The following MTO1 variants were observed in gnomAD, a reference collection of about 807,000 sequenced individuals.
MTO1 encodes the protein mitochondrial tRNA translation optimization 1.
MTO1 carries 46 observed loss-of-function variants against 71.6 expected under a neutral mutation model. The ratio of observed to expected loss-of-function variants is 0.64; its 90% CI spans 0.51 to 0.82. MTO1 has a LOEUF of 0.82. Ranked by LOEUF, MTO1 falls within the 40% of genes least tolerant of loss-of-function variation. The probability of loss-of-function intolerance (pLI) is 0.00; values close to 1 mark genes in which losing one functional copy is unlikely to be tolerated. For missense variants in MTO1, 773 were observed against 867.5 expected (o/e 0.89, Z 1.37); for synonymous variants, 297 against 312.1 (o/e 0.95, Z 0.51).
chr6:73,485,535 T>C (rs997033758), intron 9 of MTO1, among the ~76,000 whole-genome samples: 2 of 151,698 alleles, frequency 1.3e-5, no homozygotes, highest in South Asian at 2.1e-4. Flanking sequence ...GCCTCCTGGG[T>C]TCAAGTGATT....
In MTO1 at chr6:73,482,885, G is replaced by A. The variant is rs1449365228; in HGVS notation, c.1637+265G>A. Among the ~76,000 whole-genome samples, 22 of 133,040 alleles carry A rather than the reference G, an allele frequency of 1.7e-4. 1 individual carries two copies. Among genetic ancestry groups the A allele is most frequent in the Non-Finnish European group, 1.7e-4 (11 of 65,168 alleles). The allele number at this position is 133,040 out of a possible 152,430, so 87.3% of individuals were successfully genotyped here. ...CGGCTCACTGCAAGCTCCGCCTCCC[G>A]GGTTCGCGCCATTCTCCTGCCTCAG... On this transcript the variant is annotated intron_variant, in intron 9 of 11. Transcript: ENST00000498286.
rs764088793 is a variant in MTO1 at position 73,461,911 on chromosome 6, A to G, written c.57A>G (p.Gln19=). 2 of 1,614,174 alleles carry G rather than the reference A, an allele frequency of 1.2e-6. No homozygotes were observed. Among genetic ancestry groups the G allele is most frequent in the East Asian group, 2.2e-5 (1 of 44,874 alleles). The part of the protein sequence containing the change: ...RWVAVSFTKQ[Q]FPLARLSSDS... ...TCGCGGTTTCCTTCACCAAGCAGCA[A>G]TTTCCGTTGGCACGGTTGAGCAGTG... Residue 19 remains glutamine, a synonymous_variant, in exon 1 of 12, where the codon CAA becomes CAG. Coordinates refer to ENST00000498286, the MANE Select transcript of MTO1 (RefSeq NM_012123.4).
chr6:73,479,380 A>C (rs1266890432), intron 4 of MTO1, among the ~76,000 whole-genome samples: 1 of 152,060 alleles, frequency 6.6e-6, no homozygotes, highest in Non-Finnish European at 1.5e-5. Flanking sequence ...CTGTGATCCC[A>C]GCTACTTGGG....
chr6:73,495,413 A>G (rs1771954961), intron 10 of MTO1, among the ~76,000 whole-genome samples: 1 of 152,150 alleles, frequency 6.6e-6, no homozygotes, highest in Admixed American at 6.6e-5. Flanking sequence ...TTTGTTCAAT[A>G]AATCGTCAGG....
At chr6:73,467,526 T>G (rs1771032960) in intron 3 of MTO1, among the ~76,000 whole-genome samples, 2 of 151,244 alleles carry the variant, frequency 1.3e-5, no homozygotes, top group African/African-American at 4.9e-5. Context: ...GGCCAGAGAA[T>G]CACTTGAACC....
chr6:73,479,866 T>G (rs1266852782), intron 5 of MTO1, 22 bp downstream of exon 5: 1 of 1,605,004 alleles, frequency 6.2e-7, no homozygotes, highest in Non-Finnish European at 8.5e-7. Context: ...ATGTCAGTGC[T>G]CAGTTACTTT....
chr6:73,484,281 T>C (rs921307380), intron 9 of MTO1, among the ~76,000 whole-genome samples: 1 of 152,138 alleles, frequency 6.6e-6, no homozygotes, highest in Non-Finnish European at 1.5e-5. Context: ...CAAAACACCT[T>C]AGACTGGATA....
At chr6:73,480,265 T>TG in intron 6 of MTO1, 139 bp downstream of exon 6, 2 of 924,478 alleles carry the variant, frequency 2.2e-6, no homozygotes, top group Non-Finnish European at 3.4e-6. Flanking sequence ...ATAGTCTGTT[T>TG]TTTGTTTGTT....
chr6:73,482,316 G>C (rs1771526808), intron 8 of MTO1, 72 bp downstream of exon 8: 2 of 1,576,592 alleles, frequency 1.3e-6, no homozygotes, highest in Non-Finnish European at 1.7e-6. Flanking sequence ...CAATTTGAGA[G>C]ACCAAGGCAA....
In MTO1 at chr6:73,480,081, A is replaced by G; in HGVS notation, c.1084A>G (p.Ile362Val). ...ACCAGCTGAGTTACAAGAGAAAATGATCACATGCATCAGAGGCTTGGAGAA... is the reference window on the plus strand; with the variant it reads ...ACCAGCTGAGTTACAAGAGAAAATGGTCACATGCATCAGAGGCTTGGAGAA... The part of the protein sequence containing the change: ...TLPAELQEKM[I>V]TCIRGLEKAK... Residue 362 changes from isoleucine to valine, a missense_variant, in exon 6 of 12, where the codon ATC becomes GTC. Physicochemically the swap from Ile to Val is conservative, Grantham distance 29. Coordinates refer to ENST00000498286, the MANE Select transcript of MTO1 (RefSeq NM_012123.4). 1 of 1,614,168 alleles carries G rather than the reference A, an allele frequency of 6.2e-7. No individual in the cohort carries two copies. The highest frequency in any genetic ancestry group is 1.1e-5 in the South Asian group (1 of 91,076).
Position 73,502,913 on chromosome 6 carries a change from C to G in MTO1, c.*2178C>G, listed in dbSNP as rs1275606520. 2 of 149,404 alleles carry G rather than the reference C, an allele frequency of 1.3e-5. No individual in the cohort carries two copies. 9.3% of individuals were successfully genotyped at this position (149,404 alleles called of 1,614,324 possible). On this transcript the variant is annotated 3_prime_UTR_variant, in exon 12 of 12. Transcript: ENST00000498286. ...TCTGTCTCAAAAAAAAAAAAAGAAA[C>G]AGGAAGTTCAAATATTTTGGGAGGT...
intron 3 of MTO1, among the ~76,000 whole-genome samples, chr6:73,470,427 CG>C (rs1328638472): frequency 6.6e-6 from 1 of 151,966 alleles, no homozygotes; most frequent in Non-Finnish European, 1.5e-5. Flanking sequence ...AGGATGTTCT[CG>C]ATCTCCTGAC....
chr6:73,469,309 TGCCCA>T (rs1371774396), intron 3 of MTO1, among the ~76,000 whole-genome samples: 1 of 148,514 alleles, frequency 6.7e-6, no homozygotes, highest in Non-Finnish European at 1.5e-5. Context: ...TGAGCTGCCA[TGCCCA>T]GCCTGTTACA....
rs1772205100 is a variant in MTO1 at position 73,503,115 on chromosome 6, C to T, written c.*2380C>T. 1 of 151,984 alleles carries T rather than the reference C, an allele frequency of 6.6e-6. No individual in the cohort carries two copies. The highest frequency in any genetic ancestry group is 2.1e-4 in the South Asian group (1 of 4,812). 9.4% of individuals were successfully genotyped at this position (151,984 alleles called of 1,614,324 possible). ...ATGATTTGCTTTAGGATGTGAACTT[C>T]TTTATTTTTTAGAGACAGGGTCTCA... On this transcript the variant is annotated 3_prime_UTR_variant, in exon 12 of 12. Transcript: ENST00000498286.
intron 7 of MTO1, chr6:73,481,012 G>C (rs1771477198): frequency 2.1e-6 from 1 of 468,226 alleles, no homozygotes; most frequent in Non-Finnish European, 3.5e-6. Flanking sequence ...GTGTTGCTCT[G>C]TTGCCAGGCT....
In MTO1 at chr6:73,500,706, GCAGA is replaced by G; in HGVS notation, c.2056_2059del (p.Arg686PhefsTer15). ...CAAGACTGATCAATACTTATGTGAT[GCAGA>G]CAGACTTCAAGAGAGAGAGTTATAG... is the stretch of plus-strand genomic sequence containing the variant. On this transcript the variant is annotated frameshift_variant, in exon 12 of 12. Transcript: ENST00000498286. LOFTEE classifies it high-confidence loss of function. 1 of 1,602,392 alleles carries G rather than the reference GCAGA, an allele frequency of 6.2e-7. No individual in the cohort carries two copies. Among genetic ancestry groups the G allele is most frequent in the Non-Finnish European group, 8.5e-7 (1 of 1,175,010 alleles).
At chr6:73,475,141 T>G (rs932865712) in intron 4 of MTO1, among the ~76,000 whole-genome samples, 6 of 152,240 alleles carry the variant, frequency 3.9e-5, no homozygotes, top group African/African-American at 1.4e-4. Flanking sequence ...ATTATTATTT[T>G]TAATAGAGAC....
At chr6:73,484,400 T>C (rs915346906) in intron 9 of MTO1, among the ~76,000 whole-genome samples, 6 of 152,138 alleles carry the variant, frequency 3.9e-5, no homozygotes, top group Non-Finnish European at 8.8e-5. Context: ...GCTTCCAAGA[T>C]GGTGCCTTCT....
At chr6:73,492,519 CAG>C (rs1430706708) in intron 10 of MTO1, among the ~76,000 whole-genome samples, 167 bp downstream of exon 10, 1 of 152,020 alleles carries the variant, frequency 6.6e-6, no homozygotes, top group Admixed American at 6.6e-5. Flanking sequence ...GTTAGAAATA[CAG>C]AATCTTGGCT....
Sources: allele counts gnomAD v4.1 joint callset (sites outside exome capture counted in the v4.1 genomes callset), GRCh38; gene constraint gnomAD v4.1.1; transcripts MANE v1.5; gene names NCBI Gene and HGNC (gene_info 2026-07-23, HGNC 2026-07-21).